Variants in CPXM2 observed in about 807,000 individuals in gnomAD.
The protein encoded by CPXM2 is inactive carboxypeptidase-like protein X2.
CPXM2 carries 66 observed loss-of-function variants against 86.1 expected under a neutral mutation model. The ratio of observed to expected loss-of-function variants is 0.77; its 90% confidence interval spans 0.63 to 0.94. The LOEUF is 0.94. Ranked by LOEUF, CPXM2 falls within the 40% of genes least tolerant of loss-of-function variation. The pLI is 0.00. For missense variants in CPXM2, 948 were observed against 1,026.3 expected (o/e 0.92, Z 1.04); for synonymous variants, 388 against 400.2 (o/e 0.97, Z 0.36).
At chr10:123,889,797 G>T (rs1945237689) in intron 1 of CPXM2, among the ~76,000 whole-genome samples, 1 of 152,122 alleles carries the variant, frequency 6.6e-6, no homozygotes, top group African/African-American at 2.4e-5. Flanking sequence ...CAGACTCCCA[G>T]TCTGGGGCTC....
Position 123,746,733 on chromosome 10 carries a change from G to A in CPXM2, c.*31C>T. 1 of 1,609,782 alleles carries A rather than the reference G, an allele frequency of 6.2e-7. No homozygotes were observed. The highest frequency in any genetic ancestry group is 1.1e-5 in the South Asian group (1 of 90,688). ...TACCAGGTTGGTTTAATTTGCATGG[G>A]TCCCAGACGAGTCTCAAGGGCCCAG... On this transcript the variant is annotated 3_prime_UTR_variant, in exon 14 of 14. Transcript: ENST00000241305.
At chr10:123,866,625 G>A (rs1462924790) in intron 2 of CPXM2, among the ~76,000 whole-genome samples, 5 of 151,980 alleles carry the variant, frequency 3.3e-5, no homozygotes, top group Non-Finnish European at 5.9e-5. Context: ...GCCTGTTGAC[G>A]TGGCAGGCAG....
intron 2 of CPXM2, among the ~76,000 whole-genome samples, chr10:123,937,103 G>A (rs1165346387): frequency 1.3e-5 from 2 of 152,158 alleles, no homozygotes; most frequent in Non-Finnish European, 2.9e-5. Flanking sequence ...CCTTCCCAGG[G>A]ATCAGCCTTC....
At chr10:123,762,212 A>G in intron 10 of CPXM2, 43 bp from the exon 11 acceptor site, 1 of 1,613,100 alleles carries the variant, frequency 6.2e-7, no homozygotes, top group Non-Finnish European at 8.5e-7. Context: ...GCAGGAAGTC[A>G]TTTTATCTCC....
intron 2 of CPXM2, among the ~76,000 whole-genome samples, chr10:123,934,894 C>T (rs915965002): frequency 1.3e-5 from 2 of 152,138 alleles, no homozygotes; most frequent in Non-Finnish European, 2.9e-5. Flanking sequence ...ATACTGATGC[C>T]CAGCCTTCTC....
intron 4 of CPXM2, among the ~76,000 whole-genome samples, chr10:123,805,182 A>C (rs1847552989): frequency 6.6e-6 from 1 of 151,964 alleles, no homozygotes; most frequent in Admixed American, 6.5e-5. Context: ...GTCAACATTC[A>C]AAAATATTAA....
At chr10:123,823,035 T>C (rs1170903456) in intron 4 of CPXM2, among the ~76,000 whole-genome samples, 1 of 152,166 alleles carries the variant, frequency 6.6e-6, no homozygotes, top group Non-Finnish European at 1.5e-5. Flanking sequence ...TATATCTCAA[T>C]AAAGCTGTTA....
chr10:123,810,561 C>G (rs1335630368), intron 4 of CPXM2, among the ~76,000 whole-genome samples: 1 of 151,950 alleles, frequency 6.6e-6, no homozygotes, highest in Non-Finnish European at 1.5e-5. Flanking sequence ...TAAGCCAATA[C>G]ACAAAAAATT....
chr10:123,767,508 T>C (rs1846506527), intron 9 of CPXM2, among the ~76,000 whole-genome samples: 1 of 152,210 alleles, frequency 6.6e-6, no homozygotes. Context: ...ACCACAGTAA[T>C]GCATTCTCCC....
intron 4 of CPXM2, among the ~76,000 whole-genome samples, chr10:123,805,401 T>C (rs1466576693): frequency 2.0e-5 from 3 of 152,154 alleles, no homozygotes; most frequent in Non-Finnish European, 4.4e-5. Flanking sequence ...ATAGGTCATA[T>C]ATTCTTTGCC....
intron 2 of CPXM2, among the ~76,000 whole-genome samples, chr10:123,939,164 T>G (rs1415352656): frequency 6.6e-6 from 1 of 152,210 alleles, no homozygotes; most frequent in Non-Finnish European, 1.5e-5. Context: ...GCCGTAGTAT[T>G]GGGAACCAAG....
chr10:123,803,267 T>C (rs1488390402), intron 4 of CPXM2, among the ~76,000 whole-genome samples: 1 of 151,390 alleles, frequency 6.6e-6, no homozygotes, highest in Admixed American at 6.6e-5. Context: ...ACCCAGCTAA[T>C]CTTTGTATTT....
chr10:123,883,460 A>G (rs577392414), intron 1 of CPXM2, among the ~76,000 whole-genome samples: 1 of 152,278 alleles, frequency 6.6e-6, no homozygotes, highest in African/African-American at 2.4e-5. Flanking sequence ...AGGCAACAAT[A>G]CCTGCCACGG....
intron 3 of CPXM2, among the ~76,000 whole-genome samples, chr10:123,846,035 A>G (rs1340638147): frequency 5.3e-5 from 8 of 152,218 alleles, no homozygotes; most frequent in African/African-American, 1.9e-4. Context: ...GACTCTCAAA[A>G]AATCTATTTT....
intron 3 of CPXM2, among the ~76,000 whole-genome samples, chr10:123,855,482 G>A (rs1285662938): frequency 6.6e-6 from 1 of 152,166 alleles, no homozygotes; most frequent in Non-Finnish European, 1.5e-5. Flanking sequence ...GTGAGACCTG[G>A]GAAAATGGTA....
intron 10 of CPXM2, 51 bp downstream of exon 10, chr10:123,766,922 G>A (rs774615255): frequency 1.4e-6 from 2 of 1,429,066 alleles, no homozygotes; most frequent in East Asian, 4.6e-5. Context: ...TACCAATGGA[G>A]GTTAAGCCTT....
chr10:123,750,153 C>A, intron 13 of CPXM2: 1 of 985,310 alleles, frequency 1.0e-6, no homozygotes, highest in Non-Finnish European at 1.2e-6. Context: ...GCTATTCTTA[C>A]TAATTTTCAA....
chr10:123,938,449 C>A (rs1264618252), intron 2 of CPXM2, among the ~76,000 whole-genome samples: 1 of 152,248 alleles, frequency 6.6e-6, no homozygotes, highest in African/African-American at 2.4e-5. Flanking sequence ...AAGAGCATGT[C>A]TGTTCCCTAA....
chr10:123,787,285 A>G (rs1483488810), intron 6 of CPXM2, among the ~76,000 whole-genome samples: 1 of 152,186 alleles, frequency 6.6e-6, no homozygotes, highest in South Asian at 2.1e-4. Context: ...GCTTGGCAGC[A>G]TCAGAACCCA....
Sources: gnomAD v4.1 joint callset for allele counts (sites outside exome capture counted in the v4.1 genomes callset) on GRCh38, gnomAD v4.1.1 for gene constraint, MANE v1.5 for transcripts, NCBI Gene and HGNC (gene_info 2026-07-23, HGNC 2026-07-21) for gene names.